Variants in FOLH1 observed in about 807,000 individuals in gnomAD.
FOLH1 encodes the protein folate hydrolase 1, also known as glutamate carboxypeptidase 2.
Under a neutral mutation model 93.9 loss-of-function variants are expected in FOLH1, and 54 were observed. The ratio of observed to expected loss-of-function variants is 0.57; its 90% CI spans 0.46 to 0.72. The LOEUF is 0.72. Among genes scored for constraint, FOLH1 ranks in the 30% least tolerant of loss-of-function variants. The probability of loss-of-function intolerance (pLI) is 0.00; values close to 1 mark genes in which losing one functional copy is unlikely to be tolerated. For missense variants in FOLH1, 571 were observed against 892.5 expected (o/e 0.64, Z 4.59); for synonymous variants, 249 against 303.6 (o/e 0.82, Z 1.87).
intron 15 of FOLH1, 144 bp from the exon 16 acceptor site, chr11:49,154,636 T>A: frequency 6.9e-7 from 1 of 1,447,918 alleles, no homozygotes; most frequent in Non-Finnish European, 9.1e-7. Context: ...ACATCCTAAA[T>A]GGCTAATATT....
At chr11:49,196,516 G>A (rs551222759) in intron 3 of FOLH1, among the ~76,000 whole-genome samples, 2 of 152,124 alleles carry the variant, frequency 1.3e-5, no homozygotes, top group Non-Finnish European at 2.9e-5. Flanking sequence ...CAAAAACACA[G>A]ACTAAACATG....
intron 17 of FOLH1, among the ~76,000 whole-genome samples, chr11:49,151,400 G>C (rs556228032): frequency 1.3e-5 from 2 of 150,644 alleles, no homozygotes; most frequent in Admixed American, 1.3e-4. Context: ...GTAAATGCGC[G>C]CGTGCGCGTG....
intron 7 of FOLH1, among the ~76,000 whole-genome samples, chr11:49,177,463 G>A (rs1023056607): frequency 3.9e-5 from 6 of 152,008 alleles, no homozygotes; most frequent in Admixed American, 3.9e-4. Context: ...TATTGATACA[G>A]GAGGTAGAAA....
intron 15 of FOLH1, among the ~76,000 whole-genome samples, chr11:49,155,830 ATATAT>A (rs1565135164): frequency 6.5e-5 from 9 of 137,490 alleles, no homozygotes; most frequent in African/African-American, 2.1e-4. Context: ...ATATATATAT[ATATAT>A]AATCAACAAC....
intron 18 of FOLH1, among the ~76,000 whole-genome samples, chr11:49,147,147 T>C (rs1855860616): frequency 1.3e-5 from 2 of 152,190 alleles, no homozygotes; most frequent in South Asian, 4.1e-4. Flanking sequence ...TTCAAACAAA[T>C]AAATTAAAGT....
intron 2 of FOLH1, among the ~76,000 whole-genome samples, chr11:49,205,617 G>A (rs1417780235): frequency 6.6e-6 from 1 of 152,114 alleles, no homozygotes; most frequent in Non-Finnish European, 1.5e-5. Context: ...GGCCAAATCT[G>A]GACCACTAAC....
At chr11:49,192,088 A>AT (rs1337868129) in intron 4 of FOLH1, among the ~76,000 whole-genome samples, 1 of 151,938 alleles carries the variant, frequency 6.6e-6, no homozygotes, top group African/African-American at 2.4e-5. Context: ...TATATTTTAT[A>AT]TTTTTTTAGC....
At chr11:49,173,635 AAT>A (rs767190983) in intron 9 of FOLH1, among the ~76,000 whole-genome samples, 159 bp from the exon 10 acceptor site, 17 of 151,856 alleles carry the variant, frequency 1.1e-4, no homozygotes, top group South Asian at 2.1e-4. Flanking sequence ...TTCTGATTTT[AAT>A]ATGTGTTTCT....
intron 5 of FOLH1, among the ~76,000 whole-genome samples, chr11:49,186,298 A>G (rs1333875751): frequency 1.3e-5 from 2 of 152,238 alleles, no homozygotes; most frequent in Non-Finnish European, 2.9e-5. Flanking sequence ...AATTCATACT[A>G]CAATTTAATT....
intron 13 of FOLH1, among the ~76,000 whole-genome samples, chr11:49,159,300 C>T (rs1228811172): frequency 1.3e-5 from 2 of 152,114 alleles, no homozygotes; most frequent in South Asian, 2.1e-4. Flanking sequence ...TTGAGGTTTG[C>T]TCCTTCAATA....
intron 2 of FOLH1, among the ~76,000 whole-genome samples, chr11:49,201,246 G>C (rs1863219364): frequency 7.6e-6 from 1 of 131,440 alleles, no homozygotes. Flanking sequence ...ATATTATGTA[G>C]CATGAAAAGA....
intron 13 of FOLH1, among the ~76,000 whole-genome samples, chr11:49,163,805 G>A (rs1405423523): frequency 1.3e-5 from 2 of 152,038 alleles, no homozygotes; most frequent in Non-Finnish European, 2.9e-5. Context: ...ATGCACCTGT[G>A]TATCAGACTG....
chr11:49,208,269 T>G, intron 1 of FOLH1, 23 bp downstream of exon 1: 1 of 1,489,856 alleles, frequency 6.7e-7, no homozygotes, highest in Non-Finnish European at 9.1e-7. Context: ...CTCCGAGGTT[T>G]GCTCCGCGAG....
intron 17 of FOLH1, among the ~76,000 whole-genome samples, chr11:49,151,961 G>A (rs1416957967): frequency 6.6e-6 from 1 of 151,910 alleles, no homozygotes; most frequent in East Asian, 1.9e-4. Context: ...TATTCCCTGA[G>A]GATAGCACAA....
chr11:49,164,794 G>C, intron 12 of FOLH1, 22 bp from the exon 13 acceptor site: 1 of 1,538,014 alleles, frequency 6.5e-7, no homozygotes, highest in Non-Finnish European at 8.9e-7. Context: ...GAAAAGAATA[G>C]ATTTTAAAAT....
At chr11:49,195,498 C>T (rs895265642) in intron 3 of FOLH1, among the ~76,000 whole-genome samples, 2 of 151,814 alleles carry the variant, frequency 1.3e-5, no homozygotes, top group African/African-American at 4.8e-5. Context: ...AAGCATTCTA[C>T]TGAGGATTTT....
rs1261863988 is a variant in FOLH1, at chr11:49,183,313, T to G, written c.827-71A>C. The G allele has an allele frequency of 1.5e-5, 17 of 1,111,960 alleles. No homozygotes were observed. In the Admixed American group the frequency reaches 3.6e-4, roughly 24 times the overall value. The allele number at this position is 1,111,960 out of a possible 1,614,324, so 68.9% of individuals were successfully genotyped here. ...TCAAACGGTTCTCTATAAATCACAT[T>G]AAATACATTCTAATTTCACATTTGC... is the stretch of plus-strand genomic sequence containing the variant. On this transcript the variant is annotated intron_variant, in intron 6 of 18. Transcript: ENST00000256999.
Position 49,186,655 on chromosome 11 carries a change from T to G in FOLH1, c.628A>C (p.Arg210=), listed in dbSNP as rs756469525. 2 of 1,613,118 alleles carry G rather than the reference T, an allele frequency of 1.2e-6. No individual in the cohort carries two copies. The highest frequency in any genetic ancestry group is 1.7e-5 in the Admixed American group (1 of 59,872). ...AATTTTTACCTTACCTTATTTCCTC[T>G]GAAAACTTTCCCATATCTGGCAATT... ...IVIARYGKVF[R]GNKVKNAQLA... is the part of the protein sequence containing the mutation. The change falls in exon 5 of 19, where the codon AGA becomes CGA. Residue 210 remains arginine (R), a synonymous_variant. Transcript: ENST00000256999.
At chr11:49,182,397 C>A (rs1860867581) in intron 7 of FOLH1, among the ~76,000 whole-genome samples, 1 of 147,702 alleles carries the variant, frequency 6.8e-6, no homozygotes, top group Non-Finnish European at 1.5e-5. Flanking sequence ...GGAAACAGTT[C>A]CAATGCCAGG....
Sources: allele counts gnomAD v4.1 joint callset (sites outside exome capture counted in the v4.1 genomes callset), GRCh38; gene constraint gnomAD v4.1.1; transcripts MANE v1.5; gene names NCBI Gene and HGNC (gene_info 2026-07-23, HGNC 2026-07-21).